Variants in GET3 observed in about 807,000 individuals in gnomAD.
GET3 encodes the protein ATPase GET3.
Under a neutral mutation model 32.4 loss-of-function variants are expected in GET3, and 15 were observed. That is an observed-to-expected ratio of 0.46 (90% CI 0.31 to 0.71). The LOEUF is 0.71. GET3 is among the 30% of genes least tolerant of loss of function. The probability of loss-of-function intolerance (pLI) is 0.05; values close to 1 mark genes in which losing one functional copy is unlikely to be tolerated. For missense variants in GET3, 333 were observed against 459.0 expected (o/e 0.73, Z 2.51); for synonymous variants, 198 against 185.6 (o/e 1.07, Z -0.54).
Position 12,745,773 on chromosome 19 carries a change from G to C in GET3, c.609+14G>C. The C allele has an allele frequency of 6.3e-7, 1 of 1,594,182 alleles. No individual in the cohort carries two copies. The highest frequency in any genetic ancestry group is 8.5e-7 in the Non-Finnish European group (1 of 1,171,798). ...TTCATCTCACAGGCAGGCGGCGGGG[G>C]CCCCCACCTGCACCATCCAGGCAGC... On this transcript the variant is annotated intron_variant, in intron 4 of 6. Transcript: ENST00000357332. This position sits in a 1 kb window ranked among gnomAD's most constrained non-coding sequence, Gnocchi z 5.0.
Position 12,747,143 on chromosome 19 carries a change from A to C in GET3, c.610-54A>C, listed in dbSNP as rs918564590. The C allele has an allele frequency of 6.0e-6, 9 of 1,495,780 alleles. No individual in the cohort carries two copies. The highest frequency in any genetic ancestry group is 2.0e-5 in the Admixed American group (1 of 49,058). The allele number at this position is 1,495,780 out of a possible 1,614,324, so 92.7% of individuals were successfully genotyped here. On this transcript the variant is annotated intron_variant, in intron 4 of 6. Coordinates refer to ENST00000357332, the MANE Select transcript of GET3 (RefSeq NM_004317.4). This position sits in a 1 kb window ranked among gnomAD's most constrained non-coding sequence, Gnocchi z 4.0. ...TCCCTCGGGTGTTTAGTGAACCCCC[A>C]ACCCAGGAGGTCGCCGCAGGTAAGC... is the stretch of plus-strand genomic sequence containing the variant.
chr19:12,746,477 G>A (rs1246140730), intron 4 of GET3, among the ~76,000 whole-genome samples: 2 of 152,294 alleles, frequency 1.3e-5, no homozygotes, highest in South Asian at 2.1e-4. Flanking sequence ...CCCCCACAGT[G>A]CTGCACACCA....
chr19:12,744,153 T>C (rs1568349125), intron 2 of GET3, among the ~76,000 whole-genome samples: 1 of 142,206 alleles, frequency 7.0e-6, no homozygotes, highest in Non-Finnish European at 1.5e-5. Flanking sequence ...AAGGTGGAGG[T>C]TGTGATGAGC....
chr19:12,745,648 C>G lies in GET3; in HGVS notation c.498C>G (p.Asp166Glu). Residue 166 changes from aspartate (D) to glutamate (E), a missense_variant, in exon 4 of 7, where the codon GAC (aspartate) becomes GAG (glutamate). Coordinates refer to ENST00000357332, the MANE Select transcript of GET3 (RefSeq NM_004317.4). This position sits in a 1 kb window ranked among gnomAD's most constrained non-coding sequence, Gnocchi z 5.0. ...TGAACTTCTCGGTGGTGGTATTTGACACGGCACCCACGGGCCACACCCTGA... is the reference window on the plus strand; with the variant it reads ...TGAACTTCTCGGTGGTGGTATTTGAGACGGCACCCACGGGCCACACCCTGA... Reference protein sequence around the residue: ...KGMNFSVVVFDTAPTGHTLRL... With the variant: ...KGMNFSVVVFETAPTGHTLRL... 1 of 1,607,414 alleles carries G rather than the reference C, an allele frequency of 6.2e-7. No homozygotes were observed. Among genetic ancestry groups the G allele is most frequent in the Non-Finnish European group, 8.5e-7 (1 of 1,178,004 alleles).
Position 12,747,565 on chromosome 19 carries a change from C to T in GET3, c.888C>T (p.His296=), listed in dbSNP as rs1205114882. 1 of 1,613,694 alleles carries T rather than the reference C, an allele frequency of 6.2e-7. No individual in the cohort carries two copies. The highest frequency in any genetic ancestry group is 8.5e-7 in the Non-Finnish European group (1 of 1,179,982). The change falls in exon 6 of 7, where the codon CAC becomes CAT. Residue 296 remains histidine (H), a synonymous_variant. Transcript: ENST00000357332. This position sits in a 1 kb window ranked among gnomAD's most constrained non-coding sequence, Gnocchi z 4.0. ...EKPCKMCEAR[H]KIQAKYLDQM... is the part of the protein sequence containing the mutation. ...CCTGCAAGATGTGTGAGGCCCGTCA[C>T]AAGATCCAGGCCAAGTATCTGGACC...
chr19:12,741,493 T>C (rs1466857351), intron 2 of GET3, among the ~76,000 whole-genome samples: 19 of 150,904 alleles, frequency 1.3e-4, no homozygotes, highest in Non-Finnish European at 4.4e-5. Flanking sequence ...GCACGGTGGC[T>C]CACGCCTGTA....
At chr19:12,744,728 A>G (rs8177478) in intron 2 of GET3, among the ~76,000 whole-genome samples, 4,341 of 152,268 alleles carry the variant, frequency 0.029, 197 homozygotes, top group African/African-American at 0.098. Flanking sequence ...AGGGGCAGAC[A>G]TTCCTGCTAT....
At chr19:12,744,671 G>A (rs1260006870) in intron 2 of GET3, among the ~76,000 whole-genome samples, 1 of 152,156 alleles carries the variant, frequency 6.6e-6, no homozygotes, top group African/African-American at 2.4e-5. Context: ...TTCATGCTAA[G>A]CGCTAAGGAC....
intron 2 of GET3, 110 bp downstream of exon 2, chr19:12,738,768 C>T: frequency 2.2e-6 from 3 of 1,390,930 alleles, no homozygotes; most frequent in Non-Finnish European, 2.0e-6. Flanking sequence ...TCCTGTGTCT[C>T]TCGTGTTTCA....
chr19:12,744,236 G>A (rs867479980), intron 2 of GET3, among the ~76,000 whole-genome samples: 3 of 146,912 alleles, frequency 2.0e-5, no homozygotes, highest in Admixed American at 6.8e-5. Flanking sequence ...AAAAAAAAAA[G>A]AGGGAGGCAT....
At chr19:12,740,500 C>T (rs868026894) in intron 2 of GET3, among the ~76,000 whole-genome samples, 19 of 151,058 alleles carry the variant, frequency 1.3e-4, no homozygotes, top group Middle Eastern at 6.9e-3. Context: ...CACGGTGAAA[C>T]CTCATCTCTA....
At chr19:12,744,100 C>T (rs1967724607) in intron 2 of GET3, among the ~76,000 whole-genome samples, 1 of 147,496 alleles carries the variant, frequency 6.8e-6, no homozygotes, top group Non-Finnish European at 1.5e-5. Flanking sequence ...CCTATAGTCT[C>T]AGCTACTCGG....
At chr19:12,742,029 C>T (rs1317123944) in intron 2 of GET3, among the ~76,000 whole-genome samples, 2 of 152,066 alleles carry the variant, frequency 1.3e-5, no homozygotes, top group Admixed American at 1.3e-4. Flanking sequence ...CTTGCAGAGA[C>T]TGAGACAAGA....
Position 12,745,556 on chromosome 19 carries a change from C to T in GET3, c.458+31C>T. 1.2e-6 allele frequency: 2 copies of T among 1,612,484 alleles called. No homozygotes were observed. On this transcript the variant is annotated intron_variant, in intron 3 of 6. Transcript: ENST00000357332. The surrounding 1 kb of genome is among the most constrained non-coding windows in gnomAD (Gnocchi z 5.0). ...GCCCAGCCAGCAGGGGTGGGGGCTG[C>T]CTGGGGAAGGGGAAGAGCGGACACA...
chr19:12,744,219 GA>G (rs59206366), intron 2 of GET3, among the ~76,000 whole-genome samples: 15,742 of 126,630 alleles, frequency 0.12, 2,624 homozygotes, highest in African/African-American at 0.38. Context: ...TCCATCTCGG[GA>G]AAAAAAAAAA....
chr19:12,738,583 C>T lies in GET3; in HGVS notation c.234C>T (p.Asn78=), dbSNP rs747942599. ...VLIISTDPAH[N]ISDAFDQKFS... ...TCATCTCCACAGACCCAGCACACAACATCTCAGATGCTTTTGACCAGAAGT... is the reference window on the plus strand; with the variant it reads ...TCATCTCCACAGACCCAGCACACAATATCTCAGATGCTTTTGACCAGAAGT... The change falls in exon 2 of 7, where the codon AAC becomes AAT. Residue 78 remains asparagine (N), a synonymous_variant. Coordinates refer to ENST00000357332, the MANE Select transcript of GET3 (RefSeq NM_004317.4). The T allele has an allele frequency of 1.4e-5, 23 of 1,614,124 alleles. No individual in the cohort carries two copies. Among genetic ancestry groups the T allele is most frequent in the Non-Finnish European group, 1.7e-5 (20 of 1,180,060 alleles).
chr19:12,744,374 T>G (rs1296859470), intron 2 of GET3, among the ~76,000 whole-genome samples: 1 of 151,724 alleles, frequency 6.6e-6, no homozygotes, highest in Non-Finnish European at 1.5e-5. Flanking sequence ...GGCTGGAGTG[T>G]AATGGCGTGA....
chr19:12,738,942 A>T (rs533327129), intron 2 of GET3, among the ~76,000 whole-genome samples: 1 of 152,344 alleles, frequency 6.6e-6, no homozygotes, highest in South Asian at 2.1e-4. Context: ...GAAGTTTGGC[A>T]TTGACTCCAG....
rs141433877 is a variant in GET3 at position 12,747,533 on chromosome 19, G to C, written c.856G>C (p.Glu286Gln). The change falls in exon 6 of 7, where the codon GAG (glutamate) becomes CAG (glutamine). Residue 286 changes from glutamate (E) to glutamine (Q), a missense_variant. By Grantham distance (29) the Glu-to-Gln change is conservative (BLOSUM62 2). Transcript: ENST00000357332. This position sits in a 1 kb window ranked among gnomAD's most constrained non-coding sequence, Gnocchi z 4.0. The stretch of plus-strand genomic sequence containing the variant: ...CAACCAGCTCGTCTTCCCCGACCCC[G>C]AGAAGCCCTGCAAGATGTGTGAGGC... Reference protein sequence around the residue: ...IVNQLVFPDPEKPCKMCEARH... With the variant: ...IVNQLVFPDPQKPCKMCEARH... 1 of 1,613,848 alleles carries C rather than the reference G, an allele frequency of 6.2e-7. No homozygotes were observed. The highest frequency in any genetic ancestry group is 8.5e-7 in the Non-Finnish European group (1 of 1,179,982).
Sources: gnomAD v4.1 joint callset for allele counts (sites outside exome capture counted in the v4.1 genomes callset) on GRCh38, gnomAD v4.1.1 for gene constraint, Gnocchi (gnomAD v3.1) non-coding constraint, MANE v1.5 for transcripts, NCBI Gene and HGNC (gene_info 2026-07-23, HGNC 2026-07-21) for gene names.